MCTP1: variants seen among roughly 807,000 people sequenced by gnomAD.
The protein encoded by MCTP1 is multiple C2 and transmembrane domain-containing protein 1.
A neutral mutation model predicts 120.6 loss-of-function variants in MCTP1; 69 were observed. The observed-to-expected ratio is 0.57, with a 90% CI of 0.47 to 0.70. The LOEUF (loss-of-function observed/expected upper bound fraction) is 0.70. MCTP1 is among the 30% of genes least tolerant of loss of function. The pLI, the probability that MCTP1 is intolerant of heterozygous loss-of-function variation, is 0.00. For synonymous variants in MCTP1, 529 were observed against 493.1 expected (o/e 1.07, Z -0.96); for missense variants, 1,203 against 1,248.8 (o/e 0.96, Z 0.55).
intron 12 of MCTP1, among the ~76,000 whole-genome samples, chr5:94,874,787 A>G (rs1325899097): frequency 1.3e-5 from 2 of 152,168 alleles, no homozygotes; most frequent in Non-Finnish European, 2.9e-5. Flanking sequence ...GTGGCACATC[A>G]ACAACTTTAT....
At chr5:95,038,864 G>A (rs1458691040) in intron 1 of MCTP1, among the ~76,000 whole-genome samples, 1 of 152,138 alleles carries the variant, frequency 6.6e-6, no homozygotes, top group African/African-American at 2.4e-5. Context: ...CAACACCTTC[G>A]TAAAACTAAC....
chr5:94,757,588 C>T (rs1431968458), intron 19 of MCTP1, among the ~76,000 whole-genome samples: 1 of 152,124 alleles, frequency 6.6e-6, no homozygotes, highest in Non-Finnish European at 1.5e-5. Context: ...TTTTCAATGT[C>T]TAAGAGGATG....
At position 95,168,516 on chromosome 5, in the gene MCTP1, A is replaced by T. The variant is rs565145762; in HGVS notation, c.720+115340T>A. The stretch of plus-strand genomic sequence containing the variant: ...TGGCCATTTTCACGATATTGATTCT[A>T]CCTATCCATGAGCATGGAATGAATG... On this transcript the variant is annotated intron_variant, in intron 1 of 22. Coordinates refer to ENST00000515393, the MANE Select transcript of MCTP1 (RefSeq NM_024717.7). Among the ~76,000 whole-genome samples, 9 of 152,214 alleles carry T rather than the reference A, an allele frequency of 5.9e-5. No homozygotes were observed. In the South Asian group the frequency reaches 1.7e-3, roughly 28 times the overall value.
chr5:95,219,055 T>G (rs1257286686), intron 1 of MCTP1, among the ~76,000 whole-genome samples: 1 of 152,152 alleles, frequency 6.6e-6, no homozygotes, highest in Non-Finnish European at 1.5e-5. Context: ...TGGGAAAAAA[T>G]GATTTTTCTA....
intron 1 of MCTP1, among the ~76,000 whole-genome samples, chr5:95,039,257 T>G (rs1056053527): frequency 1.3e-5 from 2 of 152,264 alleles, no homozygotes; most frequent in African/African-American, 4.8e-5. Context: ...ATTGAGACTT[T>G]AAGACACGTT....
intron 19 of MCTP1, among the ~76,000 whole-genome samples, chr5:94,721,575 CAA>C (rs986667387): frequency 2.0e-5 from 3 of 152,166 alleles, no homozygotes; most frequent in Non-Finnish European, 2.9e-5. Context: ...AATCTGTCAT[CAA>C]ATTCTATATT....
At chr5:94,795,484 T>C (rs1456428222) in intron 18 of MCTP1, among the ~76,000 whole-genome samples, 1 of 152,218 alleles carries the variant, frequency 6.6e-6, no homozygotes, top group Non-Finnish European at 1.5e-5. Context: ...CTACAGTAAC[T>C]GTAATTTGGA....
intron 2 of MCTP1, among the ~76,000 whole-genome samples, chr5:94,975,027 A>G (rs544399554): frequency 1.3e-5 from 2 of 152,170 alleles, no homozygotes; most frequent in South Asian, 4.1e-4. Context: ...CCAAAATCTT[A>G]CGATTGTTTT....
chr5:94,996,959 T>C (rs955096154), intron 2 of MCTP1, among the ~76,000 whole-genome samples: 1 of 152,184 alleles, frequency 6.6e-6, no homozygotes, highest in Non-Finnish European at 1.5e-5. Context: ...TTGTTTTACC[T>C]TGTCAACATT....
chr5:94,827,101 C>A (rs780390153), intron 17 of MCTP1, among the ~76,000 whole-genome samples: 1 of 151,946 alleles, frequency 6.6e-6, no homozygotes, highest in Non-Finnish European at 1.5e-5. Flanking sequence ...TTGCAGTGGC[C>A]GGTTCTGGTT....
chr5:95,262,599 A>G (rs1367858127), intron 1 of MCTP1, among the ~76,000 whole-genome samples: 3 of 152,198 alleles, frequency 2.0e-5, no homozygotes, highest in South Asian at 2.1e-4. Context: ...GAATATCTCT[A>G]TTTGAGAAAG....
At chr5:95,077,597 C>T (rs6890984) in intron 1 of MCTP1, among the ~76,000 whole-genome samples, 12,120 of 151,858 alleles carry the variant, frequency 0.08, 1,645 homozygotes, top group African/African-American at 0.28. Flanking sequence ...CTCAGCCTGC[C>T]GAGTAGCTGG....
chr5:94,870,382 C>T (rs575754455), intron 16 of MCTP1, 35 bp downstream of exon 16: 1 of 1,391,302 alleles, frequency 7.2e-7, no homozygotes, highest in South Asian at 1.2e-5. Flanking sequence ...ATAATCAGGT[C>T]TTCCCAGAGG....
chr5:95,142,378 G>A (rs1269471093), intron 1 of MCTP1, among the ~76,000 whole-genome samples: 2 of 152,162 alleles, frequency 1.3e-5, no homozygotes, highest in African/African-American at 2.4e-5. Context: ...AATAGAACAC[G>A]AGATTATAAT....
intron 1 of MCTP1, among the ~76,000 whole-genome samples, chr5:95,024,880 T>A (rs1480338535): frequency 6.6e-6 from 1 of 152,124 alleles, no homozygotes; most frequent in African/African-American, 2.4e-5. Flanking sequence ...AAGATCTGTG[T>A]ATTAAAAACT....
chr5:95,251,399 C>T (rs1341048475), intron 1 of MCTP1, among the ~76,000 whole-genome samples: 1 of 151,950 alleles, frequency 6.6e-6, no homozygotes, highest in Non-Finnish European at 1.5e-5. Context: ...AGGCAGAGGC[C>T]AGATCATGCA....
At chr5:95,226,691 A>C (rs1754315074) in intron 1 of MCTP1, among the ~76,000 whole-genome samples, 1 of 152,126 alleles carries the variant, frequency 6.6e-6, no homozygotes, top group South Asian at 2.1e-4. Context: ...CTCTTTTTGA[A>C]AATATTTACT....
chr5:95,243,883 C>T (rs1289738544), intron 1 of MCTP1, among the ~76,000 whole-genome samples: 1 of 152,108 alleles, frequency 6.6e-6, no homozygotes, highest in Non-Finnish European at 1.5e-5. Flanking sequence ...CTTGGGCAAC[C>T]AAGACAATGG....
chr5:94,743,064 T>C (rs1328135133), intron 19 of MCTP1, among the ~76,000 whole-genome samples: 1 of 151,732 alleles, frequency 6.6e-6, no homozygotes, highest in South Asian at 2.1e-4. Context: ...AAATGTGATT[T>C]CCTAATCTAC....
Sources: gnomAD v4.1 joint callset for allele counts (sites outside exome capture counted in the v4.1 genomes callset) on GRCh38, gnomAD v4.1.1 for gene constraint, MANE v1.5 for transcripts, NCBI Gene and HGNC (gene_info 2026-07-23, HGNC 2026-07-21) for gene names.